SLMAP: variants seen among roughly 807,000 people sequenced by gnomAD.
SLMAP encodes sarcolemmal membrane-associated protein.
SLMAP carries 44 observed loss-of-function variants against 128.8 expected under a neutral mutation model. The observed-to-expected ratio is 0.34, with a 90% CI of 0.27 to 0.44. The LOEUF (loss-of-function observed/expected upper bound fraction) is 0.44. SLMAP is among the 20% of genes least tolerant of loss of function. The pLI, the probability that SLMAP is intolerant of heterozygous loss-of-function variation, is 1.00. For missense variants in SLMAP, 787 were observed against 985.3 expected (o/e 0.80, Z 2.69); for synonymous variants, 327 against 348.8 (o/e 0.94, Z 0.70).
intron 21 of SLMAP, among the ~76,000 whole-genome samples, chr3:57,916,625 A>G (rs2096818775): frequency 6.6e-6 from 1 of 152,240 alleles, no homozygotes; most frequent in South Asian, 2.1e-4. Context: ...TGAAATTAAT[A>G]CAATTTGATA....
intron 2 of SLMAP, among the ~76,000 whole-genome samples, chr3:57,765,876 C>A (rs1381077391): frequency 6.6e-6 from 1 of 151,966 alleles, no homozygotes. Flanking sequence ...TCTGTGATTT[C>A]AAATTGTTAA....
At chr3:57,887,574 C>T (rs1318874803) in intron 14 of SLMAP, among the ~76,000 whole-genome samples, 4 of 152,164 alleles carry the variant, frequency 2.6e-5, no homozygotes, top group Non-Finnish European at 5.9e-5. Flanking sequence ...ACTACATGTC[C>T]ATGGTGAGGA....
rs139067069 is a variant in SLMAP, at chr3:57,792,536, T to C, written c.198+34687T>C. 4.7e-3 allele frequency among the ~76,000 whole-genome samples: 709 copies of C among 152,190 alleles called. 16 individuals carry two copies. Among genetic ancestry groups the C allele is most frequent in the Admixed American group, 0.042 (637 of 15,270 alleles). ...TCTCTTTAGATCTCCTCAGTATTGG[T>C]TTTGTCTATTCTGTTTCACTTAAAT... is the stretch of plus-strand genomic sequence containing the variant. On this transcript the variant is annotated intron_variant, in intron 2 of 24. Transcript: ENST00000671191.
intron 2 of SLMAP, among the ~76,000 whole-genome samples, chr3:57,775,172 A>AG (rs1217188110): frequency 2.3e-5 from 2 of 85,162 alleles, no homozygotes; most frequent in East Asian, 0.014. Context: ...TTCCTGCCTC[A>AG]GCCCCCGAGT....
intron 19 of SLMAP, among the ~76,000 whole-genome samples, chr3:57,911,710 A>G (rs2153689977): frequency 6.6e-6 from 1 of 152,316 alleles, no homozygotes; most frequent in Admixed American, 6.5e-5. Context: ...AAGCAAATTA[A>G]TAGATAATAT....
intron 2 of SLMAP, among the ~76,000 whole-genome samples, chr3:57,796,829 G>A (rs1160985294): frequency 6.6e-6 from 1 of 152,158 alleles, no homozygotes; most frequent in Non-Finnish European, 1.5e-5. Context: ...GATGATATCA[G>A]TGAAAATGTC....
chr3:57,803,293 T>C (rs915547542), intron 2 of SLMAP, among the ~76,000 whole-genome samples: 1 of 152,000 alleles, frequency 6.6e-6, no homozygotes, highest in African/African-American at 2.4e-5. Flanking sequence ...GGCCAAGGAG[T>C]TAAGTAGTCA....
intron 6 of SLMAP, among the ~76,000 whole-genome samples, chr3:57,850,352 A>G (rs552887908): frequency 2.0e-5 from 3 of 152,286 alleles, no homozygotes; most frequent in South Asian, 4.1e-4. Context: ...ATCTAGAGAA[A>G]AGCCTTTGTA....
At chr3:57,788,326 G>T (rs1479085790) in intron 2 of SLMAP, among the ~76,000 whole-genome samples, 1 of 152,172 alleles carries the variant, frequency 6.6e-6, no homozygotes, top group African/African-American at 2.4e-5. Flanking sequence ...TTAAATCTTT[G>T]TTTTTAGAAT....
At chr3:57,784,454 T>C (rs2083678027) in intron 2 of SLMAP, among the ~76,000 whole-genome samples, 1 of 152,180 alleles carries the variant, frequency 6.6e-6, no homozygotes, top group Non-Finnish European at 1.5e-5. Flanking sequence ...GTTACCCCTC[T>C]TTTCCTCATC....
intron 21 of SLMAP, among the ~76,000 whole-genome samples, chr3:57,914,886 A>ATTT (rs201557292): frequency 3.7e-5 from 5 of 134,576 alleles, no homozygotes; most frequent in South Asian, 2.4e-4. Flanking sequence ...TCAACTCATA[A>ATTT]TTTTTTTTTT....
intron 21 of SLMAP, among the ~76,000 whole-genome samples, chr3:57,913,949 C>CAAA (rs1435884926): frequency 1.8e-4 from 27 of 151,738 alleles, no homozygotes; most frequent in African/African-American, 6.5e-4. Flanking sequence ...CAGAGCCAAA[C>CAAA]CCTATATCAA....
chr3:57,759,014 A>G lies in SLMAP; in HGVS notation c.198+1165A>G, dbSNP rs538192769. Among the ~76,000 whole-genome samples the G allele has an allele frequency of 2.6e-5, 4 of 152,368 alleles. No individual in the cohort carries two copies. In the South Asian group the frequency reaches 8.3e-4, roughly 32 times the overall value. ...TGAAATGAAAGAAACCTGAGCCTCA[A>G]AAGGAAGAGAAAAAAATGATACTTC... On this transcript the variant is annotated intron_variant, in intron 2 of 24. Coordinates refer to ENST00000671191, the MANE Select transcript of SLMAP (RefSeq NM_001377540.1).
chr3:57,814,580 A>G (rs1330736166), intron 2 of SLMAP, among the ~76,000 whole-genome samples: 1 of 152,204 alleles, frequency 6.6e-6, no homozygotes, highest in East Asian at 1.9e-4. Context: ...AAATTGGTTC[A>G]CACTGTTAAT....
intron 4 of SLMAP, 44 bp downstream of exon 4, chr3:57,841,415 C>A: frequency 1.7e-6 from 2 of 1,150,548 alleles, no homozygotes; most frequent in Non-Finnish European, 2.6e-6. Flanking sequence ...AAGTTTAGTA[C>A]TGTAAAGAAT....
chr3:57,890,782 T>A (rs1343885604), intron 15 of SLMAP: 1 of 152,232 alleles, frequency 6.6e-6, no homozygotes, highest in East Asian at 1.9e-4. Context: ...CATTAGACTA[T>A]ACCAGTATAA....
At position 57,757,859 on chromosome 3, in the gene SLMAP, C is replaced by T. The variant is rs1362577656; in HGVS notation, c.198+10C>T. The T allele has an allele frequency of 9.3e-6, 15 of 1,612,884 alleles. No homozygotes were observed. The highest frequency in any genetic ancestry group is 1.3e-5 in the Non-Finnish European group (15 of 1,179,058). ...TCACAAGACGGGCAAGGTAATGTCA[C>T]CACATTGTCCAGCGGCATTGTTTAA... On this transcript the variant is annotated intron_variant, in intron 2 of 24. Transcript: ENST00000671191.
chr3:57,905,536 T>C (rs568954489), intron 17 of SLMAP, among the ~76,000 whole-genome samples: 1 of 152,210 alleles, frequency 6.6e-6, no homozygotes, highest in Admixed American at 6.5e-5. Context: ...CTGCCTTGGC[T>C]TCCCAAAGTA....
chr3:57,875,678 T>A (rs1306499498), intron 14 of SLMAP, among the ~76,000 whole-genome samples: 1 of 152,176 alleles, frequency 6.6e-6, no homozygotes, highest in Non-Finnish European at 1.5e-5. Flanking sequence ...AGGTAGCAAG[T>A]AGTAAGAATT....
Sources: allele counts gnomAD v4.1 joint callset (sites outside exome capture counted in the v4.1 genomes callset), GRCh38; gene constraint gnomAD v4.1.1; transcripts MANE v1.5; gene names NCBI Gene and HGNC (gene_info 2026-07-23, HGNC 2026-07-21).